Variants in GPR89A observed in about 807,000 individuals in gnomAD.
The protein encoded by GPR89A is G protein-coupled receptor 89A.
A neutral mutation model predicts 52.0 loss-of-function variants in GPR89A; 16 were observed. The ratio of observed to expected loss-of-function variants is 0.31; its 90% CI spans 0.21 to 0.47. GPR89A has a LOEUF of 0.47. Among genes scored for constraint, GPR89A ranks in the 20% least tolerant of loss-of-function variants. The pLI, the probability that GPR89A is intolerant of heterozygous loss-of-function variation, is 1.00. For missense variants in GPR89A, 135 were observed against 449.4 expected, an observed-to-expected ratio of 0.30 and a Z score of 6.33; for synonymous variants, 55 against 150.9, an observed-to-expected ratio of 0.36 and a Z score of 4.66.
intron 3 of GPR89A, among the ~76,000 whole-genome samples, chr1:145,622,156 A>G (rs1275335728): frequency 1.3e-5 from 2 of 152,134 alleles, no homozygotes; most frequent in Non-Finnish European, 2.9e-5. Context: ...TATAATAGCT[A>G]AAAACAACCC....
At position 145,664,139 on chromosome 1, in the gene GPR89A, G is replaced by A. The variant is rs1255937782; in HGVS notation, c.1005+715G>A. ...ATTTAGCTGTGCTGTCAACCTAGAC[G>A]CAGACTGCGTGCTACCCCCAGCCAT... On this transcript the variant is annotated intron_variant, in intron 11 of 13. Coordinates refer to ENST00000313835, the MANE Select transcript of GPR89A (RefSeq NM_001097612.2). Among the ~76,000 whole-genome samples, 25 of 150,984 alleles carry A rather than the reference G, an allele frequency of 1.7e-4. 1 individual carries two copies. The highest frequency in any genetic ancestry group is 6.3e-4 in the South Asian group (3 of 4,726).
At position 145,607,991 on chromosome 1, in the gene GPR89A, G is replaced by C; in HGVS notation, c.-143G>C. On this transcript the variant is annotated 5_prime_UTR_variant, in exon 1 of 14. Transcript: ENST00000313835. The stretch of plus-strand genomic sequence containing the variant: ...ACGCTGATTGGCTGACTGGGGCGCA[G>C]CTTGATGGCGTCGGGCTGGAGAGCC... The C allele has an allele frequency of 1.1e-6, 1 of 930,302 alleles. No homozygotes were observed. The highest frequency in any genetic ancestry group is 1.6e-6 in the Non-Finnish European group (1 of 616,594). 57.6% of individuals were successfully genotyped at this position (930,302 alleles called of 1,614,324 possible).
At chr1:145,647,038 T>A (rs782534588) in intron 9 of GPR89A, 137 bp from the exon 10 acceptor site, 8 of 1,371,608 alleles carry the variant, frequency 5.8e-6, no homozygotes, top group Non-Finnish European at 7.9e-6. Flanking sequence ...CCACAACTAC[T>A]GTTATTAGTT....
chr1:145,629,011 T>G (rs1375677168), intron 5 of GPR89A, among the ~76,000 whole-genome samples: 2 of 152,038 alleles, frequency 1.3e-5, no homozygotes, highest in African/African-American at 4.8e-5. Flanking sequence ...GGAACAAGAC[T>G]CTGAAAGAGG....
At chr1:145,661,108 A>T (rs1326892155) in intron 10 of GPR89A, among the ~76,000 whole-genome samples, 1 of 149,004 alleles carries the variant, frequency 6.7e-6, no homozygotes, top group African/African-American at 2.5e-5. Context: ...CATATACACC[A>T]TGGAATACTA....
At chr1:145,642,851 C>T (rs1363977413) in intron 7 of GPR89A, among the ~76,000 whole-genome samples, 1 of 151,664 alleles carries the variant, frequency 6.6e-6, no homozygotes. Flanking sequence ...TTGATCCTCA[C>T]TAGGACCCTG....
chr1:145,628,996 A>T (rs147896828), intron 5 of GPR89A, among the ~76,000 whole-genome samples: 5,928 of 152,180 alleles, frequency 0.039, 307 homozygotes, highest in African/African-American at 0.13. Context: ...GAGGAGACAG[A>T]TGATGGAACA....
intron 10 of GPR89A, among the ~76,000 whole-genome samples, chr1:145,660,516 G>A (rs1571542138): frequency 6.6e-6 from 1 of 151,396 alleles, no homozygotes; most frequent in East Asian, 1.9e-4. Context: ...GAGTGAACAG[G>A]CAACCTACAG....
intron 10 of GPR89A, among the ~76,000 whole-genome samples, chr1:145,648,205 A>G (rs1384040874): frequency 6.6e-6 from 1 of 151,280 alleles, no homozygotes; most frequent in Non-Finnish European, 1.5e-5. Context: ...GATTACAGAA[A>G]AGGCTGATTT....
At chr1:145,634,227 G>A (rs1210032307) in intron 7 of GPR89A, among the ~76,000 whole-genome samples, 1 of 151,574 alleles carries the variant, frequency 6.6e-6, no homozygotes, top group South Asian at 2.1e-4. Context: ...TTATAGGTGC[G>A]CACCACCACA....
At chr1:145,615,598 C>T (rs1231952747) in intron 1 of GPR89A, among the ~76,000 whole-genome samples, 1 of 135,224 alleles carries the variant, frequency 7.4e-6, no homozygotes, top group African/African-American at 2.8e-5. Flanking sequence ...AATCAGGGAT[C>T]ATCCATAAGA....
chr1:145,668,238 T>C (rs1182927589), intron 12 of GPR89A, among the ~76,000 whole-genome samples: 1 of 152,230 alleles, frequency 6.6e-6, no homozygotes, highest in Non-Finnish European at 1.5e-5. Context: ...GTTTCCTCTT[T>C]TATTTTGTTG....
At chr1:145,660,349 C>T (rs1326591356) in intron 10 of GPR89A, among the ~76,000 whole-genome samples, 11 of 152,098 alleles carry the variant, frequency 7.2e-5, no homozygotes, top group African/African-American at 2.7e-4. Context: ...CATAAAAACC[C>T]TAGAAGAAAA....
chr1:145,647,879 C>A (rs200755026), intron 10 of GPR89A, among the ~76,000 whole-genome samples: 1,315 of 24,406 alleles, frequency 0.054, 49 homozygotes, highest in African/African-American at 0.073. Context: ...CTCTCTCTCT[C>A]TATATATATA....
chr1:145,647,757 A>G (rs1326773128), intron 10 of GPR89A, among the ~76,000 whole-genome samples: 1 of 137,138 alleles, frequency 7.3e-6, no homozygotes, highest in Non-Finnish European at 1.5e-5. Context: ...GTGAGCTAAG[A>G]TCACGCCACT....
chr1:145,629,834 T>C (rs1311279876), intron 5 of GPR89A, among the ~76,000 whole-genome samples: 11 of 152,052 alleles, frequency 7.2e-5, no homozygotes, highest in African/African-American at 2.7e-4. Context: ...TGGAGGCCAG[T>C]AGTCAGAAAA....
intron 2 of GPR89A, among the ~76,000 whole-genome samples, chr1:145,617,962 C>T (rs587681454): frequency 1.2e-3 from 181 of 151,000 alleles, no homozygotes; most frequent in Non-Finnish European, 1.9e-3. Flanking sequence ...AGAACTGATC[C>T]AGGATCTGCA....
chr1:145,627,573 C>T (rs1271626753), intron 5 of GPR89A, among the ~76,000 whole-genome samples: 12 of 152,150 alleles, frequency 7.9e-5, no homozygotes, highest in Admixed American at 7.9e-4. Flanking sequence ...TATTGAGCAT[C>T]CACTTTATAT....
Position 145,614,116 on chromosome 1 carries a change from A to G in GPR89A, c.43-2118A>G, listed in dbSNP as rs1390319021. Among the ~76,000 whole-genome samples, 16 of 152,068 alleles carry G rather than the reference A, an allele frequency of 1.1e-4. 1 individual carries two copies. Among genetic ancestry groups the G allele is most frequent in the Non-Finnish European group, 2.2e-4 (15 of 68,002 alleles). ...TTCATCCTTTGAGAGGATGGTTTTTATGTTAGGGGTGGTGGAAACCTTTGA... is the reference window on the plus strand; with the variant it reads ...TTCATCCTTTGAGAGGATGGTTTTTGTGTTAGGGGTGGTGGAAACCTTTGA... On this transcript the variant is annotated intron_variant, in intron 1 of 13. Transcript: ENST00000313835.
Sources: allele counts gnomAD v4.1 joint callset (sites outside exome capture counted in the v4.1 genomes callset), GRCh38; gene constraint gnomAD v4.1.1; transcripts MANE v1.5; gene names NCBI Gene and HGNC (gene_info 2026-07-23, HGNC 2026-07-21).